SCMH1: variants seen among roughly 807,000 people sequenced by gnomAD.
SCMH1 encodes the protein polycomb protein SCMH1.
SCMH1 carries 37 observed loss-of-function variants against 70.8 expected under a neutral mutation model. That is an observed-to-expected ratio of 0.52 (90% confidence interval 0.40 to 0.69). The LOEUF (loss-of-function observed/expected upper bound fraction) is 0.69. SCMH1 is among the 30% of genes least tolerant of loss of function. The pLI is 0.00. For synonymous variants in SCMH1, 292 were observed against 307.4 expected (o/e 0.95, Z 0.52); for missense variants, 607 against 827.3 (o/e 0.73, Z 3.27).
chr1:41,171,060 A>T (rs1297682735), intron 2 of SCMH1, among the ~76,000 whole-genome samples: 1 of 152,208 alleles, frequency 6.6e-6, no homozygotes, highest in African/African-American at 2.4e-5. Flanking sequence ...TTTGCATAGA[A>T]ATTATGCATA....
chr1:41,121,422 T>C (rs1671913337), intron 6 of SCMH1, among the ~76,000 whole-genome samples: 1 of 152,138 alleles, frequency 6.6e-6, no homozygotes, highest in Non-Finnish European at 1.5e-5. Flanking sequence ...TGTCTCTAGG[T>C]AAGAAGGGTT....
At chr1:41,167,025 C>T (rs1188497007) in intron 2 of SCMH1, among the ~76,000 whole-genome samples, 2 of 152,014 alleles carry the variant, frequency 1.3e-5, no homozygotes, top group Non-Finnish European at 2.9e-5. Context: ...CCTTCCATAT[C>T]TAATATATTG....
intron 6 of SCMH1, among the ~76,000 whole-genome samples, chr1:41,139,709 G>C (rs987356422): frequency 2.6e-5 from 4 of 151,896 alleles, no homozygotes; most frequent in Admixed American, 2.6e-4. Context: ...TACACACATA[G>C]ACACACACAC....
At chr1:41,064,667 C>T (rs1210380537) in intron 10 of SCMH1, among the ~76,000 whole-genome samples, 2 of 152,106 alleles carry the variant, frequency 1.3e-5, no homozygotes, top group African/African-American at 2.4e-5. Context: ...AATCCCAATG[C>T]TTTGTGAGGC....
At chr1:41,130,248 G>A (rs1674307500) in intron 6 of SCMH1, among the ~76,000 whole-genome samples, 1 of 152,182 alleles carries the variant, frequency 6.6e-6, no homozygotes, top group Admixed American at 6.5e-5. Context: ...TAACACAGTT[G>A]CAGGAGTTTT....
At chr1:41,222,567 T>C (rs978839676) in intron 1 of SCMH1, among the ~76,000 whole-genome samples, 1 of 152,130 alleles carries the variant, frequency 6.6e-6, no homozygotes, top group Non-Finnish European at 1.5e-5. Flanking sequence ...CCGAGACATA[T>C]CACAGTGCTA....
exon 15 of SCMH1, chr1:41,028,151 C>A (rs759997545): frequency 1.2e-6 from 2 of 1,612,196 alleles, no homozygotes; most frequent in Admixed American, 1.7e-5. Flanking sequence ...AGAAGAATGC[C>A]CCCACCTGCT....
At chr1:41,120,014 G>A (rs1266136427) in intron 6 of SCMH1, among the ~76,000 whole-genome samples, 1 of 152,202 alleles carries the variant, frequency 6.6e-6, no homozygotes, top group Non-Finnish European at 1.5e-5. Context: ...GCCAAACCCA[G>A]AGCAGCTTTG....
At chr1:41,092,619 C>T (rs552119046) in intron 8 of SCMH1, among the ~76,000 whole-genome samples, 6 of 152,216 alleles carry the variant, frequency 3.9e-5, no homozygotes, top group South Asian at 4.2e-4. Flanking sequence ...TTGCAATCTA[C>T]CCATCTGACA....
At chr1:41,074,465 C>T (rs1657562275) in intron 9 of SCMH1, among the ~76,000 whole-genome samples, 4 of 151,904 alleles carry the variant, frequency 2.6e-5, no homozygotes. Context: ...TACAGTCTGA[C>T]ACTTAGTAGG....
intron 6 of SCMH1, among the ~76,000 whole-genome samples, chr1:41,128,900 T>C (rs1305019815): frequency 6.6e-6 from 1 of 152,164 alleles, no homozygotes; most frequent in Non-Finnish European, 1.5e-5. Flanking sequence ...CTGCTCATCT[T>C]CCTCCTGAAG....
At chr1:41,185,914 C>G (rs1172286375) in intron 2 of SCMH1, 5 of 378,630 alleles carry the variant, frequency 1.3e-5, no homozygotes, top group African/African-American at 2.1e-5. Flanking sequence ...CATGAGCCAC[C>G]GAGAAATATT....
In SCMH1 at chr1:41,161,535, T is replaced by C. The variant is rs968898310; in HGVS notation, c.14-103A>G. On this transcript the variant is annotated intron_variant, in intron 2 of 14. Transcript: ENST00000337495. Reference sequence around the variant, plus strand: ...AACAGTTTTTAATAAAGTAATCCACTTCCGAGATTCTATGCTAAGGAAAAA... The same window carrying C: ...AACAGTTTTTAATAAAGTAATCCACCTCCGAGATTCTATGCTAAGGAAAAA... The C allele has an allele frequency of 4.8e-6, 6 of 1,262,372 alleles. No homozygotes were observed. The African/African-American group carries it at 7.7e-5, about 16-fold the overall frequency. The allele number at this position is 1,262,372 out of a possible 1,614,324, so 78.2% of individuals were successfully genotyped here. A position where few individuals can be genotyped will look rare whatever the true frequency, so the allele number is the denominator to read the frequency against.
At chr1:41,153,822 T>C (rs553415320) in intron 4 of SCMH1, among the ~76,000 whole-genome samples, 41 of 152,328 alleles carry the variant, frequency 2.7e-4, no homozygotes, top group African/African-American at 9.1e-4. Flanking sequence ...TGGACACCTA[T>C]TGTAATGCCC....
intron 8 of SCMH1, among the ~76,000 whole-genome samples, chr1:41,086,452 C>A (rs1486773632): frequency 1.3e-5 from 2 of 152,172 alleles, no homozygotes; most frequent in Non-Finnish European, 2.9e-5. Context: ...GACATCTATC[C>A]TTGTTCTTTT....
At chr1:41,081,545 T>C (rs1002805049) in intron 8 of SCMH1, among the ~76,000 whole-genome samples, 2 of 152,204 alleles carry the variant, frequency 1.3e-5, no homozygotes, top group African/African-American at 4.8e-5. Flanking sequence ...TTGTTGGGCA[T>C]GGTGTTTCAT....
chr1:41,169,463 C>T (rs1646642194), intron 2 of SCMH1, among the ~76,000 whole-genome samples: 2 of 152,104 alleles, frequency 1.3e-5, no homozygotes, highest in Admixed American at 1.3e-4. Flanking sequence ...ATTTGTATAC[C>T]TATTTAAAGC....
chr1:41,098,280 A>G (rs1207215969), intron 8 of SCMH1, among the ~76,000 whole-genome samples: 1 of 152,212 alleles, frequency 6.6e-6, no homozygotes, highest in Non-Finnish European at 1.5e-5. Flanking sequence ...TACAAACAAC[A>G]TATATCATTT....
At chr1:41,170,373 A>G (rs1646708129) in intron 2 of SCMH1, among the ~76,000 whole-genome samples, 1 of 152,170 alleles carries the variant, frequency 6.6e-6, no homozygotes, top group Admixed American at 6.5e-5. Flanking sequence ...AGCGTGCTTC[A>G]GTTTTTCCTA....
Sources: allele counts gnomAD v4.1 joint callset (sites outside exome capture counted in the v4.1 genomes callset), GRCh38; gene constraint gnomAD v4.1.1; transcripts MANE v1.5; gene names NCBI Gene and HGNC (gene_info 2026-07-23, HGNC 2026-07-21).